The following RFX3 variants were observed in gnomAD, a reference collection of about 807,000 sequenced individuals.
The protein encoded by RFX3 is regulatory factor X3, also known as transcription factor RFX3.
A neutral mutation model predicts 98.6 loss-of-function variants in RFX3; 14 were observed. The ratio of observed to expected loss-of-function variants is 0.14; its 90% CI spans 0.09 to 0.22. RFX3 has a LOEUF of 0.22. Ranked by LOEUF, RFX3 falls within the 10% of genes least tolerant of loss-of-function variation. The pLI is 1.00. For missense variants in RFX3, 639 were observed against 926.9 expected, an observed-to-expected ratio of 0.69 and a Z score of 4.03; for synonymous variants, 383 against 328.4, an observed-to-expected ratio of 1.17 and a Z score of -1.80.
intron 1 of RFX3, among the ~76,000 whole-genome samples, chr9:3,507,322 A>C (rs1320988740): frequency 2.6e-5 from 4 of 151,978 alleles, no homozygotes; most frequent in African/African-American, 9.7e-5. Flanking sequence ...TTTAGAGAAA[A>C]GAAATGACAA....
rs1817199354 is a variant in RFX3, at chr9:3,218,804, A to C, written c.*6238T>G. On this transcript the variant is annotated 3_prime_UTR_variant, in exon 17 of 17. Transcript: ENST00000617270. ...TACATAATATATTCAGTCGATTGTA[A>C]AATAAATGTTCAAATATCTCCTAGT... The C allele has an allele frequency of 6.6e-6, 1 of 152,166 alleles. No individual in the cohort carries two copies. The highest frequency in any genetic ancestry group is 1.5e-5 in the Non-Finnish European group (1 of 68,016). 9.4% of individuals were successfully genotyped at this position (152,166 alleles called of 1,614,324 possible). A position where few individuals can be genotyped will look rare whatever the true frequency, so the allele number is the denominator to read the frequency against.
intron 4 of RFX3, among the ~76,000 whole-genome samples, chr9:3,301,998 A>C (rs550456241): frequency 6.6e-6 from 1 of 152,030 alleles, no homozygotes; most frequent in East Asian, 1.9e-4. Context: ...AGAGTATTTA[A>C]TATTAGTGCT....
rs1427875220 is a variant in RFX3, at chr9:3,222,445, A to G, written c.*2597T>C. The G allele has an allele frequency of 1.3e-5, 2 of 152,190 alleles. No individual in the cohort carries two copies. The highest frequency in any genetic ancestry group is 2.9e-5 in the Non-Finnish European group (2 of 68,018). 9.4% of individuals were successfully genotyped at this position (152,190 alleles called of 1,614,324 possible). A position where few individuals can be genotyped will look rare whatever the true frequency, so the allele number is the denominator to read the frequency against. ...AAGCCTCATCAATCTAAATTTGCCC[A>G]TTATTACCAGATTCCTGTAATGATA... is the stretch of plus-strand genomic sequence containing the variant. On this transcript the variant is annotated 3_prime_UTR_variant, in exon 17 of 17. Coordinates refer to ENST00000617270, the MANE Select transcript of RFX3 (RefSeq NM_001282116.2).
At chr9:3,277,511 T>G (rs1563847114) in intron 7 of RFX3, 50 bp from the exon 8 acceptor site, 2 of 1,527,910 alleles carry the variant, frequency 1.3e-6, no homozygotes, top group Admixed American at 1.7e-5. Flanking sequence ...ATTCCTTGCT[T>G]TTTTGTACTA....
rs1450317808 is a variant in RFX3, at chr9:3,296,295, A to T, written c.550-3037T>A. 2.0e-5 allele frequency among the ~76,000 whole-genome samples: 3 copies of T among 151,966 alleles called. No individual in the cohort carries two copies. In the East Asian group the frequency reaches 5.8e-4, roughly 29 times the overall value. On this transcript the variant is annotated intron_variant, in intron 5 of 16. Transcript: ENST00000617270. ...TTCATAGAAATAGTGAGATAATTAC[A>T]GCAAACGTTGGCACAAACTACTTAG... is the stretch of plus-strand genomic sequence containing the variant.
chr9:3,313,707 T>C (rs565316578), intron 4 of RFX3, among the ~76,000 whole-genome samples: 4 of 152,214 alleles, frequency 2.6e-5, no homozygotes, highest in Middle Eastern at 3.4e-3. Flanking sequence ...AACCATGGCA[T>C]GAGAACTACG....
chr9:3,516,441 T>C (rs1454511893), intron 1 of RFX3, among the ~76,000 whole-genome samples: 1 of 152,180 alleles, frequency 6.6e-6, no homozygotes, highest in Non-Finnish European at 1.5e-5. Context: ...AGAATGCTTA[T>C]CCAAGTATAA....
intron 1 of RFX3, chr9:3,488,824 T>C (rs1587842391): frequency 1.0e-6 from 1 of 985,078 alleles, no homozygotes; most frequent in South Asian, 4.7e-5. Context: ...CTTATTTCTC[T>C]TGAGCTTTGT....
chr9:3,362,402 A>G (rs894590716), intron 2 of RFX3, among the ~76,000 whole-genome samples: 1 of 152,186 alleles, frequency 6.6e-6, no homozygotes, highest in Non-Finnish European at 1.5e-5. Flanking sequence ...GTGGTAGATG[A>G]CCCTATCACT....
rs1158867850 is a variant in RFX3 at position 3,223,556 on chromosome 9, AC to A, written c.*1485del. The A allele has an allele frequency of 6.6e-6, 1 of 152,194 alleles. No homozygotes were observed. The highest frequency in any genetic ancestry group is 1.5e-5 in the Non-Finnish European group (1 of 68,032). The allele number at this position is 152,194 out of a possible 1,614,324, so 9.4% of individuals were successfully genotyped here. ...TATTAAAACTAGCCTGCTATTCCACACCCTTAAGCAATCTGATTTGTAATCA... is the reference window on the plus strand; with the variant it reads ...TATTAAAACTAGCCTGCTATTCCACACCTTAAGCAATCTGATTTGTAATCA... On this transcript the variant is annotated 3_prime_UTR_variant, in exon 17 of 17. Coordinates refer to ENST00000617270, the MANE Select transcript of RFX3 (RefSeq NM_001282116.2).
intron 5 of RFX3, among the ~76,000 whole-genome samples, chr9:3,299,209 C>T (rs1828352507): frequency 6.6e-6 from 1 of 151,710 alleles, no homozygotes. Flanking sequence ...CATAAAAACA[C>T]CAGTTAAATT....
intron 1 of RFX3, among the ~76,000 whole-genome samples, chr9:3,504,959 A>T (rs1341680344): frequency 2.3e-4 from 14 of 59,604 alleles, no homozygotes; most frequent in Admixed American, 3.3e-4. Context: ...AATATATATT[A>T]TATATAATAT....
At chr9:3,477,841 T>C (rs569223715) in intron 1 of RFX3, among the ~76,000 whole-genome samples, 1 of 152,334 alleles carries the variant, frequency 6.6e-6, no homozygotes, top group African/African-American at 2.4e-5. Flanking sequence ...TTCATTTTTC[T>C]TTCTGATCCT....
intron 2 of RFX3, chr9:3,394,695 G>A (rs1367317439): frequency 6.0e-5 from 20 of 332,328 alleles, no homozygotes; most frequent in Non-Finnish European, 2.1e-5. Flanking sequence ...GTTTGCTAAA[G>A]AGTCTCTTTA....
chr9:3,450,532 C>T (rs1230061105), intron 1 of RFX3, among the ~76,000 whole-genome samples: 1 of 152,032 alleles, frequency 6.6e-6, no homozygotes, highest in Non-Finnish European at 1.5e-5. Flanking sequence ...TCTTAGATGT[C>T]TGAAGGTGGA....
At chr9:3,442,863 C>A (rs1845722182) in intron 1 of RFX3, among the ~76,000 whole-genome samples, 1 of 151,920 alleles carries the variant, frequency 6.6e-6, no homozygotes, top group Non-Finnish European at 1.5e-5. Context: ...TAGCACAATC[C>A]ATAAAAGATA....
At chr9:3,498,544 G>A (rs1014898327) in intron 1 of RFX3, among the ~76,000 whole-genome samples, 2 of 151,992 alleles carry the variant, frequency 1.3e-5, no homozygotes, top group African/African-American at 2.4e-5. Flanking sequence ...TTGATAAACT[G>A]TTTAAAAATA....
At chr9:3,409,667 G>A (rs1006735565) in intron 1 of RFX3, among the ~76,000 whole-genome samples, 3 of 152,136 alleles carry the variant, frequency 2.0e-5, no homozygotes, top group African/African-American at 4.8e-5. Flanking sequence ...TGGCCATTCA[G>A]CAAATTTATG....
chr9:3,292,995 G>A (rs1827582201), intron 6 of RFX3, 82 bp downstream of exon 6: 1 of 1,079,692 alleles, frequency 9.3e-7, no homozygotes. Context: ...CTGTAATCAA[G>A]TACTTTTGTT....
Sources: gnomAD v4.1 joint callset for allele counts (sites outside exome capture counted in the v4.1 genomes callset) on GRCh38, gnomAD v4.1.1 for gene constraint, MANE v1.5 for transcripts, NCBI Gene and HGNC (gene_info 2026-07-23, HGNC 2026-07-21) for gene names.